WDR19: variants seen among roughly 807,000 people sequenced by gnomAD.
WDR19 encodes the protein WD repeat domain 19.
Under a neutral mutation model 180.0 loss-of-function variants are expected in WDR19, and 121 were observed. That is an observed-to-expected ratio of 0.67 (90% CI 0.58 to 0.78). The LOEUF (loss-of-function observed/expected upper bound fraction) is 0.78, where lower values mean the gene tolerates loss of function less well. Ranked by LOEUF, WDR19 falls within the 30% of genes least tolerant of loss-of-function variation. The probability of loss-of-function intolerance (pLI) is 0.00; values close to 1 mark genes in which losing one functional copy is unlikely to be tolerated. For synonymous variants in WDR19, 497 were observed against 540.7 expected (o/e 0.92, Z 1.12); for missense variants, 1,450 against 1,640.7 (o/e 0.88, Z 2.01).
Position 39,278,387 on chromosome 4 carries a change from G to T in WDR19, c.3918-152G>T, listed in dbSNP as rs998090933. The T allele has an allele frequency of 1.9e-5, 15 of 806,692 alleles. No homozygotes were observed. The African/African-American group carries it at 2.6e-4, about 14-fold the overall frequency. 50.0% of individuals were successfully genotyped at this position (806,692 alleles called of 1,614,324 possible). On this transcript the variant is annotated intron_variant, in intron 35 of 36. Transcript: ENST00000399820. ...GAATATTATCTTTAAAGAGGATCTTGCATGAGACTGAATAGTTCTGATTCT... is the reference window on the plus strand; with the variant it reads ...GAATATTATCTTTAAAGAGGATCTTTCATGAGACTGAATAGTTCTGATTCT...
At chr4:39,274,299 C>T (rs1735684017) in intron 32 of WDR19, 1 of 157,650 alleles carries the variant, frequency 6.3e-6, no homozygotes, top group Non-Finnish European at 1.4e-5. Context: ...AGGACAGGCA[C>T]TCTCATGACT....
chr4:39,200,100 C>T (rs184414364), intron 6 of WDR19, among the ~76,000 whole-genome samples: 7 of 152,262 alleles, frequency 4.6e-5, no homozygotes, highest in East Asian at 1.9e-4. Flanking sequence ...GAATTTGTAT[C>T]GCCAGTAGCT....
At chr4:39,224,074 C>T (rs1577921995) in intron 14 of WDR19, among the ~76,000 whole-genome samples, 1 of 152,088 alleles carries the variant, frequency 6.6e-6, no homozygotes, top group Non-Finnish European at 1.5e-5. Context: ...TAAGTTTATA[C>T]CCAAGTATCT....
At chr4:39,250,623 G>A (rs59177619) in intron 24 of WDR19, among the ~76,000 whole-genome samples, 102 of 152,218 alleles carry the variant, frequency 6.7e-4, no homozygotes, top group African/African-American at 2.1e-3. Flanking sequence ...GTCTCAGCCC[G>A]AAATCTCCTT....
In WDR19 at chr4:39,228,254, TA is replaced by T; in HGVS notation, c.1677del (p.Gly560ValfsTer59). On this transcript the variant is annotated frameshift_variant, in exon 16 of 37. Transcript: ENST00000399820. LOFTEE classifies it high-confidence loss of function. ...AGATTCCAGATTTTTCACCAACCATTAAAGGTGTTCTTTGGGAAAACTGGCC... is the reference window on the plus strand; with the variant it reads ...AGATTCCAGATTTTTCACCAACCATTAAGGTGTTCTTTGGGAAAACTGGCC... Reference protein sequence around the residue: ...YEIPDFSPTIKGVLWENWPMD... With the variant: ...YEIPDFSPTIXGVLWENWPMD... The T allele has an allele frequency of 6.2e-7, 1 of 1,613,556 alleles. No homozygotes were observed. The highest frequency in any genetic ancestry group is 8.5e-7 in the Non-Finnish European group (1 of 1,179,690).
chr4:39,241,165 T>C lies in WDR19; in HGVS notation c.2421+831T>C, dbSNP rs1322557858. 7.2e-5 allele frequency among the ~76,000 whole-genome samples: 11 copies of C among 152,176 alleles called. No individual in the cohort carries two copies. In the East Asian group the frequency reaches 2.1e-3, roughly 29 times the overall value. ...ATTGCTGTTTTTAAGTTAGGTAATG[T>C]CTTGTGAAGCTTGAAAATCTTTTGA... On this transcript the variant is annotated intron_variant, in intron 21 of 36. Coordinates refer to ENST00000399820, the MANE Select transcript of WDR19 (RefSeq NM_025132.4).
intron 9 of WDR19, among the ~76,000 whole-genome samples, chr4:39,211,145 C>T (rs1023072940): frequency 2.0e-5 from 3 of 151,936 alleles, no homozygotes; most frequent in East Asian, 3.9e-4. Flanking sequence ...GAGCTGTGAT[C>T]GTGCCACTGC....
chr4:39,216,949 G>T lies in WDR19; in HGVS notation c.1250-185G>T, dbSNP rs3733288. Among the ~76,000 whole-genome samples the T allele has an allele frequency of 0.3, 45,787 of 151,944 alleles. 6,949 individuals are homozygous for T. Among genetic ancestry groups the T allele is most frequent in the Non-Finnish European group, 0.31 (21,156 of 67,960 alleles). On this transcript the variant is annotated intron_variant, in intron 12 of 36. Coordinates refer to ENST00000399820, the MANE Select transcript of WDR19 (RefSeq NM_025132.4). ...GAATGCCTGAAGGCAAATTTATATG[G>T]CAACTAAGATTAAAATGAAATTTAA... is the stretch of plus-strand genomic sequence containing the variant.
At chr4:39,242,956 CCG>C (rs964433353) in intron 21 of WDR19, among the ~76,000 whole-genome samples, 2 of 152,112 alleles carry the variant, frequency 1.3e-5, no homozygotes, top group African/African-American at 4.8e-5. Context: ...GCTTGAGCCA[CCG>C]CGCCCGGCCC....
At chr4:39,204,961 A>G (rs573386296) in intron 7 of WDR19, among the ~76,000 whole-genome samples, 193 bp from the exon 8 acceptor site, 177 of 152,354 alleles carry the variant, frequency 1.2e-3, no homozygotes, top group African/African-American at 4.0e-3. Flanking sequence ...GAAGATGTGT[A>G]AAACCAAGGA....
intron 1 of WDR19, among the ~76,000 whole-genome samples, chr4:39,183,011 A>G (rs779690611): frequency 6.6e-6 from 1 of 152,116 alleles, no homozygotes; most frequent in Non-Finnish European, 1.5e-5. Flanking sequence ...CCAGCGCCTT[A>G]AAAAGAATGA....
chr4:39,284,310 T>C (rs1405612521), intron 36 of WDR19, among the ~76,000 whole-genome samples: 1 of 150,272 alleles, frequency 6.7e-6, no homozygotes, highest in Non-Finnish European at 1.5e-5. Context: ...CACTGACCTT[T>C]CTTCTAAGTA....
intron 10 of WDR19, 97 bp downstream of exon 10, chr4:39,214,768 G>T: frequency 4.1e-6 from 3 of 729,092 alleles, no homozygotes; most frequent in Non-Finnish European, 6.7e-6. Flanking sequence ...GTTGTAGGAG[G>T]AATAATTTTT....
intron 20 of WDR19, among the ~76,000 whole-genome samples, chr4:39,237,410 A>AG (rs1393070934): frequency 6.6e-6 from 1 of 151,940 alleles, no homozygotes; most frequent in Non-Finnish European, 1.5e-5. Flanking sequence ...GAAAAAAAAA[A>AG]GAAAAGCTAG....
At chr4:39,270,680 C>G (rs1735276324) in intron 31 of WDR19, among the ~76,000 whole-genome samples, 1 of 151,686 alleles carries the variant, frequency 6.6e-6, no homozygotes, top group Non-Finnish European at 1.5e-5. Context: ...GCTCAGCTTT[C>G]TTATATTGTT....
intron 4 of WDR19, among the ~76,000 whole-genome samples, chr4:39,193,165 C>CTTT (rs530738984): frequency 1.4e-5 from 2 of 142,750 alleles, no homozygotes; most frequent in African/African-American, 2.6e-5. Context: ...TTTTTCTTTT[C>CTTT]TTTTTTTTTT....
chr4:39,189,612 C>A, intron 3 of WDR19, 44 bp from the exon 4 acceptor site: 2 of 1,483,274 alleles, frequency 1.3e-6, no homozygotes, highest in Admixed American at 2.7e-5. Flanking sequence ...AGTAATTTTA[C>A]TTTAAAAAAC....
intron 36 of WDR19, among the ~76,000 whole-genome samples, chr4:39,283,030 T>C: frequency 6.6e-6 from 1 of 152,346 alleles, no homozygotes; most frequent in Admixed American, 6.5e-5. Context: ...TGTTGTATAA[T>C]AGTAGAGTCA....
chr4:39,253,943 C>T lies in WDR19; in HGVS notation c.2914C>T (p.Gln972Ter), dbSNP rs1225892978. ...GCTTGGTGACTATGGGTCTGCCATC[C>T]AGTTTCTTGTCATGTCCAAATGCAA... ...LQLGDYGSAIQFLVMSKCNNE... is the reference protein window; with the variant it reads ...LQLGDYGSAI The change falls in exon 26 of 37, where the codon CAG (glutamine) becomes TAG (stop). Residue 972 changes from glutamine (Q) to a stop codon, truncating the protein, a stop_gained. Transcript: ENST00000399820. LOFTEE classifies it high-confidence loss of function. The T allele has an allele frequency of 6.2e-7, 1 of 1,609,698 alleles. No individual in the cohort carries two copies. Among genetic ancestry groups the T allele is most frequent in the Non-Finnish European group, 8.5e-7 (1 of 1,177,104 alleles).
Sources: allele counts gnomAD v4.1 joint callset (sites outside exome capture counted in the v4.1 genomes callset), GRCh38; gene constraint gnomAD v4.1.1; transcripts MANE v1.5; gene names NCBI Gene and HGNC (gene_info 2026-07-23, HGNC 2026-07-21).